Variants in CD163L1 observed in about 807,000 individuals in gnomAD.
CD163L1 encodes the protein scavenger receptor cysteine-rich type 1 protein M160.
CD163L1 carries 124 observed loss-of-function variants against 165.4 expected under a neutral mutation model. The ratio of observed to expected loss-of-function variants is 0.75; its 90% CI spans 0.65 to 0.87. CD163L1 has a LOEUF of 0.87. Among genes scored for constraint, CD163L1 ranks in the 40% least tolerant of loss-of-function variants. The pLI is 0.00. For missense variants in CD163L1, 1,525 were observed against 1,799.9 expected (o/e 0.85, Z 2.76); for synonymous variants, 585 against 662.2 (o/e 0.88, Z 1.79).
chr12:7,438,608 C>T (rs1431961001), intron 2 of CD163L1, among the ~76,000 whole-genome samples: 4 of 152,178 alleles, frequency 2.6e-5, no homozygotes, highest in South Asian at 2.1e-4. Context: ...CTAAGAGAAA[C>T]AAACCAGAGA....
chr12:7,434,367 T>C (rs1948686657), intron 2 of CD163L1, among the ~76,000 whole-genome samples: 1 of 152,278 alleles, frequency 6.6e-6, no homozygotes, highest in East Asian at 1.9e-4. Context: ...ATTCCCATCT[T>C]AAAAATTTGA....
chr12:7,375,569 C>T lies in CD163L1; in HGVS notation c.2713G>A (p.Gly905Ser), dbSNP rs758397589. Residue 905 changes from glycine to serine, a missense_variant, in exon 11 of 20, where the codon GGC becomes AGC. Transcript: ENST00000313599. ...ACTTGCCCGTCACACTGGGATTTGC[C>T]ATTCACAAGTCGGACATCTGTATAT... is the stretch of plus-strand genomic sequence containing the variant. ...SRYTDVRLVNGKSQCDGQVEI... is the reference protein window; with the variant it reads ...SRYTDVRLVNSKSQCDGQVEI... 3 of 1,613,176 alleles carry T rather than the reference C, an allele frequency of 1.9e-6. No homozygotes were observed. Among genetic ancestry groups the T allele is most frequent in the Admixed American group, 1.7e-5 (1 of 60,022 alleles).
chr12:7,367,383 T>C lies in CD163L1; in HGVS notation c.4184-52A>G, dbSNP rs772506406. 6 of 1,180,878 alleles carry C rather than the reference T, an allele frequency of 5.1e-6. No individual in the cohort carries two copies. The South Asian group carries it at 6.5e-5, about 13-fold the overall frequency. 73.1% of individuals were successfully genotyped at this position (1,180,878 alleles called of 1,614,324 possible). ...ATTCAAATTCAAATGGCCTATCCCT[T>C]ATATTAGGACACTTAATGCTAAGGT... On this transcript the variant is annotated intron_variant, in intron 17 of 19. Coordinates refer to ENST00000313599, the MANE Select transcript of CD163L1 (RefSeq NM_174941.6).
At position 7,396,262 on chromosome 12, in the gene CD163L1, G is replaced by C. The variant is rs1947771771; in HGVS notation, c.1883C>G (p.Ser628Cys). ...TCCCAGACCCATGCCAATGATAGAAGATGGGCAGTCCAGCTGGCTACACAC... is the reference window on the plus strand; with the variant it reads ...TCCCAGACCCATGCCAATGATAGAACATGGGCAGTCCAGCTGGCTACACAC... ...AVVCSQLDCPSSIIGMGLGNA... is the reference protein window; with the variant it reads ...AVVCSQLDCPCSIIGMGLGNA... The change falls in exon 8 of 20, where the codon TCT becomes TGT. Residue 628 changes from serine to cysteine, a missense_variant. By Grantham distance (112) the Ser-to-Cys change is moderately radical (BLOSUM62 -1). Coordinates refer to ENST00000313599, the MANE Select transcript of CD163L1 (RefSeq NM_174941.6). The C allele has an allele frequency of 1.2e-6, 2 of 1,614,050 alleles. No individual in the cohort carries two copies. Among genetic ancestry groups the C allele is most frequent in the Non-Finnish European group, 1.7e-6 (2 of 1,180,040 alleles).
chr12:7,438,633 G>A, intron 2 of CD163L1: 1 of 480,330 alleles, frequency 2.1e-6, no homozygotes, highest in Non-Finnish European at 3.7e-6. Context: ...GAGATAAGCT[G>A]CAGTGTCCAA....
chr12:7,373,088 C>G (rs1947177067), intron 14 of CD163L1, among the ~76,000 whole-genome samples: 1 of 152,126 alleles, frequency 6.6e-6, no homozygotes, highest in South Asian at 2.1e-4. Flanking sequence ...TCCAGCTTCT[C>G]ACAAGGAGCT....
In CD163L1 at chr12:7,400,912, G is replaced by T. The variant is rs776397360; in HGVS notation, c.1409-2328C>A. On this transcript the variant is annotated intron_variant, in intron 6 of 19. Transcript: ENST00000313599. This position sits in a 1 kb window ranked among gnomAD's most constrained non-coding sequence, Gnocchi z 4.1. ...AAAGGGACTCTATAAAATACACAGA[G>T]TTCTTACACATTATGAAGACAAAGA... is the stretch of plus-strand genomic sequence containing the variant. Among the ~76,000 whole-genome samples, 1 of 152,124 alleles carries T rather than the reference G, an allele frequency of 6.6e-6. No homozygotes were observed. The highest frequency in any genetic ancestry group is 1.5e-5 in the Non-Finnish European group (1 of 68,016).
chr12:7,411,776 A>G (rs1318520410), intron 4 of CD163L1, among the ~76,000 whole-genome samples: 4 of 152,216 alleles, frequency 2.6e-5, no homozygotes, highest in Non-Finnish European at 5.9e-5. Context: ...CCCCAACCAT[A>G]GTGTTTGCAT....
chr12:7,321,233 CAAAAA>C, the CD163L1 span, among the ~76,000 whole-genome samples: 1 of 151,906 alleles, frequency 6.6e-6, no homozygotes, highest in African/African-American at 2.4e-5. Flanking sequence ...ATTTAGAACT[CAAAAA>C]AGAAAGAAAG....
Position 7,369,438 on chromosome 12 carries a change from A to T in CD163L1, c.3958T>A (p.Ser1320Thr). The change falls in exon 15 of 20, where the codon TCA becomes ACA. Residue 1320 changes from serine to threonine, a missense_variant. Physicochemically the swap from Ser to Thr is moderately conservative, Grantham distance 58. Transcript: ENST00000313599. This position sits in a 1 kb window ranked among gnomAD's most constrained non-coding sequence, Gnocchi z 4.9. ...LDDMRCKGNE[S>T]FLWDCHAKPW... The stretch of plus-strand genomic sequence containing the variant: ...TTGGCGTGACAGTCCCATAGAAATG[A>T]CTCATTTCCTTTGCACCGCATGTCA... 6.2e-7 allele frequency: 1 copy of T among 1,614,004 alleles called. No individual in the cohort carries two copies.
intron 8 of CD163L1, among the ~76,000 whole-genome samples, chr12:7,381,038 TTATC>T (rs1245291474): frequency 2.0e-5 from 3 of 152,162 alleles, no homozygotes; most frequent in African/African-American, 4.8e-5. Flanking sequence ...TAATACTTCT[TTATC>T]TAATTAAAAA....
chr12:7,340,627 C>A, the CD163L1 span, among the ~76,000 whole-genome samples: 2 of 152,026 alleles, frequency 1.3e-5, no homozygotes, highest in Non-Finnish European at 2.9e-5. Context: ...CCTTAGAACC[C>A]ATAGGCAGAG....
chr12:7,422,736 T>A lies in CD163L1; in HGVS notation c.766+9680A>T, dbSNP rs765710694. On this transcript the variant is annotated intron_variant, in intron 4 of 19. Coordinates refer to ENST00000313599, the MANE Select transcript of CD163L1 (RefSeq NM_174941.6). ...GTGTATATATGTATATGAATATATATAAATATATATACATATGTGTGTGTG... is the reference window on the plus strand; with the variant it reads ...GTGTATATATGTATATGAATATATAAAAATATATATACATATGTGTGTGTG... Among the ~76,000 whole-genome samples the A allele has an allele frequency of 1.8e-4, 24 of 133,320 alleles. No homozygotes were observed. The South Asian group carries it at 3.7e-3, about 20-fold the overall frequency. The allele number at this position is 133,320 out of a possible 152,430, so 87.5% of individuals were successfully genotyped here.
In CD163L1 at chr12:7,439,048, A is replaced by G. The variant is rs536231150; in HGVS notation, c.124+2106T>C. ...CGGTATCCTCCTCAGCACTCATGGC[A>G]CTGTCTAGGGGCTTCTCAAAGCCAT... On this transcript the variant is annotated intron_variant, in intron 2 of 19. Transcript: ENST00000313599. 1,395 of 1,601,648 alleles carry G rather than the reference A, an allele frequency of 8.7e-4. 2 individuals carry two copies. Among genetic ancestry groups the G allele is most frequent in the Non-Finnish European group, 1.1e-3 (1,286 of 1,176,066 alleles).
rs188580867 is a variant in CD163L1 at position 7,432,524 on chromosome 12, C to T, written c.658G>A (p.Asp220Asn). The change falls in exon 4 of 20, where the codon GAT (aspartate) becomes AAT (asparagine). Residue 220 changes from aspartate to asparagine, a missense_variant. Physicochemically the swap from Asp to Asn is conservative, Grantham distance 23 (BLOSUM62 1). Coordinates refer to ENST00000313599, the MANE Select transcript of CD163L1 (RefSeq NM_174941.6). The surrounding 1 kb of genome is among the most constrained non-coding windows in gnomAD (Gnocchi z 4.2). Reference sequence around the variant, plus strand: ...TCATTCCCCTGGCATAAAATGTCATCCAGCCAAATGGGGCGCAATACAGCA... The same window carrying T: ...TCATTCCCCTGGCATAAAATGTCATTCAGCCAAATGGGGCGCAATACAGCA... The part of the protein sequence containing the change: ...SPAVLRPIWL[D>N]DILCQGNELA... The T allele has an allele frequency of 2.9e-5, 47 of 1,614,152 alleles. No individual in the cohort carries two copies. In the African/African-American group the frequency reaches 5.3e-4, roughly 18 times the overall value.
chr12:7,369,108 G>A lies in CD163L1; in HGVS notation c.4040-143C>T, dbSNP rs1947089879. On this transcript the variant is annotated intron_variant, in intron 15 of 19. Transcript: ENST00000313599. This position sits in a 1 kb window ranked among gnomAD's most constrained non-coding sequence, Gnocchi z 4.9. The stretch of plus-strand genomic sequence containing the variant: ...ATACTGGATGTCATTTAAAATATCA[G>A]TCAGAATCCTCTTGCTTCAAAGTCT... 2 of 1,076,800 alleles carry A rather than the reference G, an allele frequency of 1.9e-6. No homozygotes were observed. The highest frequency in any genetic ancestry group is 2.1e-5 in the Admixed American group (1 of 48,256). 66.7% of individuals were successfully genotyped at this position (1,076,800 alleles called of 1,614,324 possible).
chr12:7,428,105 T>G (rs1234416886), intron 4 of CD163L1, among the ~76,000 whole-genome samples: 2 of 152,102 alleles, frequency 1.3e-5, no homozygotes, highest in Admixed American at 1.3e-4. Context: ...TTTCTATAAC[T>G]GAAAAATCTG....
In CD163L1 at chr12:7,375,404, C is replaced by T. The variant is rs1341259436; in HGVS notation, c.2878G>A (p.Val960Ile). Residue 960 changes from valine (V) to isoleucine (I), a missense_variant, in exon 11 of 20, where the codon GTT (valine) becomes ATT (isoleucine). Physicochemically the swap from Val to Ile is conservative, Grantham distance 29. Transcript: ENST00000313599. ...TGGKYIGERSVRVWGHRFHCL... is the reference protein window; with the variant it reads ...TGGKYIGERSIRVWGHRFHCL... ...TGAAACCTGTGTCCCCACACACGAA[C>T]ACTTCTTTCTCCAATATATTTTCCT... is the stretch of plus-strand genomic sequence containing the variant. 1 of 1,614,070 alleles carries T rather than the reference C, an allele frequency of 6.2e-7. No individual in the cohort carries two copies. Among genetic ancestry groups the T allele is most frequent in the Non-Finnish European group, 8.5e-7 (1 of 1,180,042 alleles).
intron 4 of CD163L1, among the ~76,000 whole-genome samples, chr12:7,421,056 C>T (rs1165439485): frequency 1.5e-4 from 11 of 73,108 alleles, no homozygotes; most frequent in East Asian, 1.1e-3. Context: ...TATGTATATA[C>T]GTATATATGT....
Sources: allele counts gnomAD v4.1 joint callset (sites outside exome capture counted in the v4.1 genomes callset), GRCh38; gene constraint gnomAD v4.1.1; non-coding constraint Gnocchi (gnomAD v3.1); transcripts MANE v1.5; gene names NCBI Gene and HGNC (gene_info 2026-07-23, HGNC 2026-07-21).